Variants in PACSIN1 observed in about 807,000 individuals in gnomAD.
PACSIN1 encodes protein kinase C and casein kinase substrate in neurons 1.
In PACSIN1, 15 loss-of-function variants were observed where a neutral mutation model predicts 59.5. The ratio of observed to expected loss-of-function variants is 0.25; its 90% CI spans 0.17 to 0.39. The LOEUF (loss-of-function observed/expected upper bound fraction) is 0.39. Ranked by LOEUF, PACSIN1 falls within the 10% of genes least tolerant of loss-of-function variation. The pLI is 1.00. For missense variants in PACSIN1, 420 were observed against 580.2 expected, an observed-to-expected ratio of 0.72 and a Z score of 2.84; for synonymous variants, 210 against 220.6, an observed-to-expected ratio of 0.95 and a Z score of 0.42.
At chr6:34,468,341 G>A (rs796777686) in intron 1 of PACSIN1, among the ~76,000 whole-genome samples, 1 of 152,220 alleles carries the variant, frequency 6.6e-6, no homozygotes, top group South Asian at 2.1e-4. Context: ...CTTTGGTCCT[G>A]GGGAATAGAG....
chr6:34,495,824 A>G lies in PACSIN1; in HGVS notation c.-64+29554A>G, dbSNP rs533753178. On this transcript the variant is annotated intron_variant, in intron 1 of 9. Transcript: ENST00000244458. Reference sequence around the variant, plus strand: ...AGAAACTACTTCCCTAAATCATACCAGTTGTGTTTCCATCTCCCCCGTTTC... The same window carrying G: ...AGAAACTACTTCCCTAAATCATACCGGTTGTGTTTCCATCTCCCCCGTTTC... Among the ~76,000 whole-genome samples the G allele has an allele frequency of 3.9e-5, 6 of 152,344 alleles. No individual in the cohort carries two copies. In the East Asian group the frequency reaches 1.2e-3, roughly 29 times the overall value.
chr6:34,512,438 C>T (rs987197367), intron 1 of PACSIN1, among the ~76,000 whole-genome samples: 3 of 152,116 alleles, frequency 2.0e-5, no homozygotes, highest in South Asian at 2.1e-4. Context: ...GGCTGGGGGC[C>T]GGCAGGTGGG....
chr6:34,498,839 G>A (rs1391462803), intron 1 of PACSIN1, among the ~76,000 whole-genome samples: 1 of 150,076 alleles, frequency 6.7e-6, no homozygotes, highest in East Asian at 1.9e-4. Flanking sequence ...AAGAAAACTG[G>A]ATATCCACAT....
At chr6:34,498,958 G>A (rs1000442670) in intron 1 of PACSIN1, among the ~76,000 whole-genome samples, 12 of 152,124 alleles carry the variant, frequency 7.9e-5, no homozygotes, top group Middle Eastern at 3.4e-3. Flanking sequence ...TGGGGTTGGG[G>A]GGTGGTTTTC....
intron 2 of PACSIN1, 103 bp downstream of exon 2, chr6:34,526,471 G>A: frequency 1.1e-6 from 1 of 932,260 alleles, no homozygotes; most frequent in Non-Finnish European, 1.7e-6. Flanking sequence ...CCACTCCGCA[G>A]TCCCCCAGGC....
chr6:34,512,564 G>C (rs1561965815), intron 1 of PACSIN1, among the ~76,000 whole-genome samples: 1 of 152,190 alleles, frequency 6.6e-6, no homozygotes, highest in Admixed American at 6.5e-5. Flanking sequence ...CACCCTCCTG[G>C]CCTAGGCCTT....
intron 1 of PACSIN1, among the ~76,000 whole-genome samples, chr6:34,498,282 G>A (rs747626140): frequency 3.3e-5 from 5 of 151,942 alleles, no homozygotes; most frequent in Non-Finnish European, 5.9e-5. Context: ...GGCTGGTCTC[G>A]ATCTCCTGAC....
At chr6:34,470,627 A>AC (rs11442303) in intron 1 of PACSIN1, among the ~76,000 whole-genome samples, 150,991 of 152,228 alleles carry the variant, frequency 0.99, 74,895 homozygotes, top group South Asian at 1. Context: ...GGATCCTCCC[A>AC]TTCAGCCTCC....
chr6:34,504,665 C>T (rs905505210), intron 1 of PACSIN1, among the ~76,000 whole-genome samples: 1 of 152,164 alleles, frequency 6.6e-6, no homozygotes, highest in Admixed American at 6.6e-5. Flanking sequence ...ATCATATTTA[C>T]CCGTATTTTT....
At chr6:34,468,316 C>T (rs1766526172) in intron 1 of PACSIN1, among the ~76,000 whole-genome samples, 1 of 152,208 alleles carries the variant, frequency 6.6e-6, no homozygotes, top group Admixed American at 6.5e-5. Flanking sequence ...AGAGAACTGT[C>T]TGGTTTGGGT....
In PACSIN1 at chr6:34,515,597, G is replaced by A. The variant is rs2127266461; in HGVS notation, c.-63-10646G>A. 6.6e-6 allele frequency among the ~76,000 whole-genome samples: 1 copy of A among 152,294 alleles called. No homozygotes were observed. Among genetic ancestry groups the A allele is most frequent in the South Asian group, 2.1e-4 (1 of 4,828 alleles). ...CTTAGAGCCCCCTGGTCAGGTCAGA[G>A]GCATCTACCTCCTGCCCCAACCTCA... On this transcript the variant is annotated intron_variant, in intron 1 of 9. Coordinates refer to ENST00000244458, the MANE Select transcript of PACSIN1 (RefSeq NM_020804.5). The surrounding 1 kb of genome is among the most constrained non-coding windows in gnomAD (Gnocchi z 4.4).
At chr6:34,478,872 G>T (rs759373478) in intron 1 of PACSIN1, among the ~76,000 whole-genome samples, 11 of 152,296 alleles carry the variant, frequency 7.2e-5, no homozygotes, top group Middle Eastern at 3.4e-3. Context: ...CAATTCTGGA[G>T]GCTGAGAAGT....
chr6:34,498,085 C>T lies in PACSIN1; in HGVS notation c.-63-28158C>T, dbSNP rs189333222. Reference sequence around the variant, plus strand: ...GTTTGTTTGTTTGTTTGTTTTGAGACGTGGTCTCCCTCTGTCACCAGGCTG... The same window carrying T: ...GTTTGTTTGTTTGTTTGTTTTGAGATGTGGTCTCCCTCTGTCACCAGGCTG... On this transcript the variant is annotated intron_variant, in intron 1 of 9. Coordinates refer to ENST00000244458, the MANE Select transcript of PACSIN1 (RefSeq NM_020804.5). Among the ~76,000 whole-genome samples the T allele has an allele frequency of 4.6e-5, 7 of 150,810 alleles. No homozygotes were observed. In the East Asian group the frequency reaches 7.7e-4, roughly 17 times the overall value.
At chr6:34,483,802 A>G (rs1243034494) in intron 1 of PACSIN1, among the ~76,000 whole-genome samples, 2 of 151,898 alleles carry the variant, frequency 1.3e-5, no homozygotes, top group African/African-American at 2.4e-5. Flanking sequence ...GGCATGTGCC[A>G]CCATGCCCGG....
intron 1 of PACSIN1, among the ~76,000 whole-genome samples, chr6:34,490,728 CAGAT>C (rs879685591): frequency 2.6e-5 from 4 of 152,282 alleles, no homozygotes; most frequent in Middle Eastern, 3.4e-3. Context: ...CTGAAGAAGA[CAGAT>C]AGTGAGTGGG....
At chr6:34,482,979 G>A (rs76776328) in intron 1 of PACSIN1, among the ~76,000 whole-genome samples, 2,590 of 147,016 alleles carry the variant, frequency 0.018, 46 homozygotes, top group African/African-American at 0.051. Context: ...TAGCCACTGC[G>A]CCCAGCCAAC....
rs770691579 is a variant in PACSIN1, at chr6:34,488,720, CA to C, written c.-64+22451del. On this transcript the variant is annotated intron_variant, in intron 1 of 9. Coordinates refer to ENST00000244458, the MANE Select transcript of PACSIN1 (RefSeq NM_020804.5). This position sits in a 1 kb window ranked among gnomAD's most constrained non-coding sequence, Gnocchi z 4.7. Reference sequence around the variant, plus strand: ...GGAGATCAGCTCCAAGCTGGCACCTCATCTGCATCTTTTTATTATTATTTAT... The same window carrying C: ...GGAGATCAGCTCCAAGCTGGCACCTCTCTGCATCTTTTTATTATTATTTAT... Among the ~76,000 whole-genome samples, 4 of 152,188 alleles carry C rather than the reference CA, an allele frequency of 2.6e-5. No homozygotes were observed. The highest frequency in any genetic ancestry group is 4.8e-5 in the African/African-American group (2 of 41,460).
rs67633521 is a variant in PACSIN1, at chr6:34,480,227, C to CTTT, written c.-64+13970_-64+13972dup. The stretch of plus-strand genomic sequence containing the variant: ...TTCATTTTCTTTTCCTTCTTTCTTT[C>CTTT]TTTTTTTTTTTTTTTGAGAAAGGAT... On this transcript the variant is annotated intron_variant, in intron 1 of 9. Transcript: ENST00000244458. 8.7e-3 allele frequency among the ~76,000 whole-genome samples: 1,168 copies of CTTT among 133,592 alleles called. 34 individuals are homozygous for CTTT. The East Asian group carries it at 0.087, about 10-fold the overall frequency. 87.6% of individuals were successfully genotyped at this position (133,592 alleles called of 152,430 possible).
At chr6:34,500,608 T>G (rs1227492490) in intron 1 of PACSIN1, among the ~76,000 whole-genome samples, 7 of 152,196 alleles carry the variant, frequency 4.6e-5, no homozygotes, top group Non-Finnish European at 1.0e-4. Flanking sequence ...ATTTCAGGAA[T>G]GGTAAATGAG....
Sources: gnomAD v4.1 joint callset for allele counts (sites outside exome capture counted in the v4.1 genomes callset) on GRCh38, gnomAD v4.1.1 for gene constraint, Gnocchi (gnomAD v3.1) non-coding constraint, MANE v1.5 for transcripts, NCBI Gene and HGNC (gene_info 2026-07-23, HGNC 2026-07-21) for gene names.